AMPH: variants seen among roughly 807,000 people sequenced by gnomAD.
AMPH encodes amphiphysin (Stiff-Mann syndrome with breast cancer 128kD autoantigen).
A neutral mutation model predicts 99.1 loss-of-function variants in AMPH; 49 were observed. The observed-to-expected ratio is 0.49, with a 90% CI of 0.39 to 0.63. The LOEUF (loss-of-function observed/expected upper bound fraction) is 0.63, where lower values mean the gene tolerates loss of function less well. Among genes scored for constraint, AMPH ranks in the 20% least tolerant of loss-of-function variants. The pLI is 0.00. For synonymous variants in AMPH, 314 were observed against 317.3 expected (o/e 0.99, Z 0.11); for missense variants, 759 against 863.4 (o/e 0.88, Z 1.52).
At chr7:38,445,062 C>CAT (rs796606205) in intron 11 of AMPH, among the ~76,000 whole-genome samples, 16 of 143,430 alleles carry the variant, frequency 1.1e-4, no homozygotes, top group South Asian at 2.4e-4. Context: ...ATGGTATATA[C>CAT]ATATATATAT....
Position 38,405,651 on chromosome 7 carries a change from C to A in AMPH, c.1399-11437G>T, listed in dbSNP as rs374854298. On this transcript the variant is annotated intron_variant, in intron 17 of 20. Coordinates refer to ENST00000356264, the MANE Select transcript of AMPH (RefSeq NM_001635.4). The stretch of plus-strand genomic sequence containing the variant: ...CAATTCAACAAGAAGATTTAACTAT[C>A]CTATATATATATATGTAGATATATA... 8.6e-5 allele frequency among the ~76,000 whole-genome samples: 13 copies of A among 151,954 alleles called. No individual in the cohort carries two copies. In the East Asian group the frequency reaches 1.7e-3, roughly 20 times the overall value.
intron 2 of AMPH, among the ~76,000 whole-genome samples, chr7:38,533,267 C>T (rs900349452): frequency 3.3e-5 from 5 of 152,274 alleles, no homozygotes; most frequent in African/African-American, 1.2e-4. Flanking sequence ...TCTTTTCTAC[C>T]TTTATTAAGC....
intron 1 of AMPH, among the ~76,000 whole-genome samples, chr7:38,602,806 C>T (rs987209740): frequency 2.0e-5 from 3 of 152,164 alleles, no homozygotes; most frequent in African/African-American, 7.2e-5. Flanking sequence ...AAGAACACTG[C>T]TTCTCTTCTG....
At chr7:38,600,442 T>G (rs905992036) in intron 1 of AMPH, among the ~76,000 whole-genome samples, 1 of 152,180 alleles carries the variant, frequency 6.6e-6, no homozygotes, top group Admixed American at 6.5e-5. Flanking sequence ...CAGCATACTC[T>G]GATGTTCTCG....
At chr7:38,439,134 C>T (rs1238870489) in intron 11 of AMPH, among the ~76,000 whole-genome samples, 1 of 152,182 alleles carries the variant, frequency 6.6e-6, no homozygotes, top group African/African-American at 2.4e-5. Context: ...TAAGATGTGC[C>T]TTGCTTCCCC....
Position 38,577,607 on chromosome 7 carries a change from G to T in AMPH, c.70-42596C>A, listed in dbSNP as rs1298143524. On this transcript the variant is annotated intron_variant, in intron 1 of 20. Coordinates refer to ENST00000356264, the MANE Select transcript of AMPH (RefSeq NM_001635.4). The stretch of plus-strand genomic sequence containing the variant: ...TCTCATACACCACAGAATGAATGCA[G>T]CAAACAGCTGTTGAACAAATAATAG... Among the ~76,000 whole-genome samples, 4 of 151,876 alleles carry T rather than the reference G, an allele frequency of 2.6e-5. No individual in the cohort carries two copies. In the East Asian group the frequency reaches 7.7e-4, roughly 29 times the overall value.
chr7:38,428,611 T>C (rs1414066423), intron 14 of AMPH: 2 of 456,606 alleles, frequency 4.4e-6, no homozygotes, highest in Non-Finnish European at 8.8e-6. Flanking sequence ...TTTATGTCTT[T>C]TCTAGTCAAA....
chr7:38,490,980 C>T, intron 5 of AMPH, 70 bp downstream of exon 5: 1 of 969,366 alleles, frequency 1.0e-6, no homozygotes, highest in Non-Finnish European at 1.6e-6. Flanking sequence ...AATAATTCTT[C>T]TCTTGCCCAT....
chr7:38,616,965 G>T (rs1263439263), intron 1 of AMPH, among the ~76,000 whole-genome samples: 1 of 152,150 alleles, frequency 6.6e-6, no homozygotes, highest in Non-Finnish European at 1.5e-5. Context: ...TATAGATACA[G>T]ATAGAAGTAG....
At chr7:38,590,201 A>G (rs894822767) in intron 1 of AMPH, among the ~76,000 whole-genome samples, 5 of 152,064 alleles carry the variant, frequency 3.3e-5, no homozygotes, top group Admixed American at 3.3e-4. Flanking sequence ...CACAGAAGAG[A>G]ACCGTGGAAC....
chr7:38,588,745 C>T (rs1290672811), intron 1 of AMPH, among the ~76,000 whole-genome samples: 1 of 151,960 alleles, frequency 6.6e-6, no homozygotes, highest in Admixed American at 6.6e-5. Context: ...CAGATATTTT[C>T]AGAAAACCTA....
Position 38,491,039 on chromosome 7 carries a change from G to C in AMPH, c.396+11C>G. 1 of 1,568,286 alleles carries C rather than the reference G, an allele frequency of 6.4e-7. No individual in the cohort carries two copies. The highest frequency in any genetic ancestry group is 1.1e-5 in the South Asian group (1 of 89,962). On this transcript the variant is annotated intron_variant, in intron 5 of 20. Transcript: ENST00000356264. The stretch of plus-strand genomic sequence containing the variant: ...CTCAATCCTTCCCTTTATAGACACA[G>C]AGTAAAATACCTTTATGTCAGGAAA...
intron 11 of AMPH, among the ~76,000 whole-genome samples, chr7:38,448,301 T>G (rs1415234080): frequency 6.6e-6 from 1 of 152,224 alleles, no homozygotes; most frequent in Non-Finnish European, 1.5e-5. Flanking sequence ...AAAATGATGT[T>G]GCCAAGTATT....
intron 11 of AMPH, among the ~76,000 whole-genome samples, chr7:38,455,508 T>A (rs994430423): frequency 6.6e-6 from 1 of 152,108 alleles, no homozygotes; most frequent in Non-Finnish European, 1.5e-5. Context: ...ACACTGGGAT[T>A]CAACAGAGAA....
Position 38,482,991 on chromosome 7 carries a change from C to G in AMPH, c.397-6022G>C, listed in dbSNP as rs1161918150. On this transcript the variant is annotated intron_variant, in intron 5 of 20. Transcript: ENST00000356264. ...CGTTGAATAGCTCCTTAACCCTTGG[C>G]AAGTGCAAATCCAGCCACATTGAAA... Among the ~76,000 whole-genome samples the G allele has an allele frequency of 7.2e-5, 11 of 152,178 alleles. No homozygotes were observed. In the East Asian group the frequency reaches 2.1e-3, roughly 30 times the overall value.
chr7:38,444,208 C>T (rs527255447), intron 11 of AMPH, among the ~76,000 whole-genome samples: 4 of 152,054 alleles, frequency 2.6e-5, no homozygotes, highest in Non-Finnish European at 5.9e-5. Flanking sequence ...AGATATACTG[C>T]GTCTATGCGT....
chr7:38,480,263 G>A (rs151327320), intron 5 of AMPH, among the ~76,000 whole-genome samples: 1 of 152,156 alleles, frequency 6.6e-6, no homozygotes, highest in Non-Finnish European at 1.5e-5. Context: ...TTAGAAGTTG[G>A]CCCCAGTGAC....
At chr7:38,505,309 A>G (rs1025672019) in intron 2 of AMPH, among the ~76,000 whole-genome samples, 6 of 152,284 alleles carry the variant, frequency 3.9e-5, no homozygotes, top group African/African-American at 1.4e-4. Context: ...CTTGAAATCT[A>G]TGTAACACTC....
chr7:38,435,996 G>A (rs575490386), intron 12 of AMPH, among the ~76,000 whole-genome samples: 1 of 152,300 alleles, frequency 6.6e-6, no homozygotes, highest in African/African-American at 2.4e-5. Context: ...ACAGTTCTGA[G>A]TGCAACGTGG....
Sources: gnomAD v4.1 joint callset for allele counts (sites outside exome capture counted in the v4.1 genomes callset) on GRCh38, gnomAD v4.1.1 for gene constraint, MANE v1.5 for transcripts, NCBI Gene and HGNC (gene_info 2026-07-23, HGNC 2026-07-21) for gene names.